CDH4: variants seen among roughly 807,000 people sequenced by gnomAD.
CDH4 encodes cadherin 4, also known as cadherin-4.
CDH4 carries 33 observed loss-of-function variants against 86.0 expected under a neutral mutation model. The observed-to-expected ratio is 0.38, with a 90% confidence interval of 0.29 to 0.51. The LOEUF is 0.51. Among genes scored for constraint, CDH4 ranks in the 20% least tolerant of loss-of-function variants. The pLI is 0.86. For synonymous variants in CDH4, 555 were observed against 549.4 expected (o/e 1.01, Z -0.14); for missense variants, 1,114 against 1,307.4 (o/e 0.85, Z 2.28).
chr20:61,435,555 A>G (rs1027936398), intron 2 of CDH4: 1 of 152,546 alleles, frequency 6.6e-6, no homozygotes, highest in Non-Finnish European at 1.5e-5. Flanking sequence ...GCAAGGGGAC[A>G]GTGATACTTG....
chr20:61,857,233 G>A (rs1026726919), intron 6 of CDH4, among the ~76,000 whole-genome samples: 17 of 152,374 alleles, frequency 1.1e-4, no homozygotes, highest in African/African-American at 3.4e-4. Context: ...TGGGCGGCGC[G>A]TGTGCGTTCG....
intron 2 of CDH4, among the ~76,000 whole-genome samples, chr20:61,641,197 A>G (rs2087004801): frequency 6.6e-6 from 1 of 152,160 alleles, no homozygotes; most frequent in Non-Finnish European, 1.5e-5. Flanking sequence ...GGGGAGAGGA[A>G]AGCCTCGATG....
intron 2 of CDH4, among the ~76,000 whole-genome samples, chr20:61,509,103 AT>A: frequency 6.6e-6 from 1 of 152,194 alleles, no homozygotes; most frequent in South Asian, 2.1e-4. Flanking sequence ...ACCCCTGCAG[AT>A]GGTAGGGTGG....
At position 61,518,039 on chromosome 20, in the gene CDH4, A is replaced by T. The variant is rs1600724906; in HGVS notation, c.170-225524A>T. Among the ~76,000 whole-genome samples, 1 of 152,186 alleles carries T rather than the reference A, an allele frequency of 6.6e-6. No individual in the cohort carries two copies. The highest frequency in any genetic ancestry group is 2.4e-5 in the African/African-American group (1 of 41,522). On this transcript the variant is annotated intron_variant, in intron 2 of 15. Transcript: ENST00000614565. This position sits in a 1 kb window ranked among gnomAD's most constrained non-coding sequence, Gnocchi z 6.3. Reference sequence around the variant, plus strand: ...AGGATGCCTCAGCCCAGGTTACCTGATCCCTTTTCAGGCGCTATTTTCCCC... The same window carrying T: ...AGGATGCCTCAGCCCAGGTTACCTGTTCCCTTTTCAGGCGCTATTTTCCCC...
chr20:61,289,715 G>T (rs2084311646), intron 2 of CDH4, among the ~76,000 whole-genome samples: 1 of 147,192 alleles, frequency 6.8e-6, no homozygotes, highest in Non-Finnish European at 1.5e-5. Context: ...GACTTGCTGG[G>T]TTTATCCCCG....
In CDH4 at chr20:61,438,454, C is replaced by T. The variant is rs116698710; in HGVS notation, c.169+183517C>T. On this transcript the variant is annotated intron_variant, in intron 2 of 15. Transcript: ENST00000614565. ...GAGGACCTCGTAAATCAGTTGGACA[C>T]GTTTTGCTATAAAAGAAATATTTTA... Among the ~76,000 whole-genome samples the T allele has an allele frequency of 2.5e-3, 388 of 152,206 alleles. 3 individuals are homozygous for T. Among genetic ancestry groups the T allele is most frequent in the African/African-American group, 8.9e-3 (371 of 41,530 alleles).
At chr20:61,437,322 C>G (rs1295587658) in intron 2 of CDH4, 1 of 152,204 alleles carries the variant, frequency 6.6e-6, no homozygotes, top group East Asian at 1.9e-4. Flanking sequence ...ATGTTATTTT[C>G]CTCTGGCAAG....
intron 2 of CDH4, among the ~76,000 whole-genome samples, chr20:61,268,325 G>A (rs747989321): frequency 1.3e-5 from 2 of 152,242 alleles, no homozygotes; most frequent in African/African-American, 2.4e-5. Flanking sequence ...CTCATGTCTC[G>A]GAGCATCTCA....
rs2086438793 is a variant in CDH4 at position 61,582,711 on chromosome 20, C to T, written c.170-160852C>T. Among the ~76,000 whole-genome samples the T allele has an allele frequency of 1.3e-5, 2 of 152,204 alleles. No individual in the cohort carries two copies. The highest frequency in any genetic ancestry group is 4.1e-4 in the South Asian group (2 of 4,832). The stretch of plus-strand genomic sequence containing the variant: ...TGGGGACACAAGCCAGCCCTGCAGG[C>T]TCCACTTCTCCCCAGATGTCCTGTT... On this transcript the variant is annotated intron_variant, in intron 2 of 15. Transcript: ENST00000614565. This position sits in a 1 kb window ranked among gnomAD's most constrained non-coding sequence, Gnocchi z 4.2.
chr20:61,269,044 A>G lies in CDH4; in HGVS notation c.169+14107A>G, dbSNP rs543767413. On this transcript the variant is annotated intron_variant, in intron 2 of 15. Transcript: ENST00000614565. The surrounding 1 kb of genome is among the most constrained non-coding windows in gnomAD (Gnocchi z 5.3). ...GGGTGAGCATCAGAACCCCATGGAAAGCCCTGTGGTGGTCCTGGGGCTCGG... is the reference window on the plus strand; with the variant it reads ...GGGTGAGCATCAGAACCCCATGGAAGGCCCTGTGGTGGTCCTGGGGCTCGG... Among the ~76,000 whole-genome samples the G allele has an allele frequency of 1.4e-4, 21 of 152,300 alleles. No individual in the cohort carries two copies. The highest frequency in any genetic ancestry group is 4.6e-4 in the African/African-American group (19 of 41,580).
intron 11 of CDH4, among the ~76,000 whole-genome samples, chr20:61,927,547 G>A (rs1009869737): frequency 2.6e-5 from 4 of 152,224 alleles, no homozygotes; most frequent in Middle Eastern, 3.2e-3. Context: ...TCTTCCACGC[G>A]ATCATGCGTC....
intron 2 of CDH4, among the ~76,000 whole-genome samples, chr20:61,561,726 C>G (rs1305656739): frequency 1.3e-5 from 2 of 152,200 alleles, no homozygotes; most frequent in Non-Finnish European, 2.9e-5. Flanking sequence ...TTGCAAGGGG[C>G]TAATTTAGCC....
intron 2 of CDH4, among the ~76,000 whole-genome samples, chr20:61,273,704 GTT>G: frequency 6.7e-6 from 1 of 149,392 alleles, no homozygotes; most frequent in Non-Finnish European, 1.5e-5. Flanking sequence ...ACCATGTGCA[GTT>G]TGGGTAAGTA....
At chr20:61,341,006 G>A (rs370473083) in intron 2 of CDH4, among the ~76,000 whole-genome samples, 76 of 152,202 alleles carry the variant, frequency 5.0e-4, no homozygotes, top group African/African-American at 1.8e-3. Flanking sequence ...GATGCAGCAG[G>A]TAGCAGCAGC....
At chr20:61,695,096 T>C (rs1014188641) in intron 2 of CDH4, among the ~76,000 whole-genome samples, 4 of 152,364 alleles carry the variant, frequency 2.6e-5, no homozygotes, top group African/African-American at 9.6e-5. Flanking sequence ...CAGCCATGTT[T>C]TCTGAGAGCA....
Position 61,938,146 on chromosome 20 carries a change from G to A in CDH4, c.*1203G>A, listed in dbSNP as rs1891583. 11,171 of 152,324 alleles carry A rather than the reference G, an allele frequency of 0.073. 694 individuals carry two copies. The highest frequency in any genetic ancestry group is 0.33 in the East Asian group (1,697 of 5,158). The allele number at this position is 152,324 out of a possible 1,614,324, so 9.4% of individuals were successfully genotyped here. On this transcript the variant is annotated 3_prime_UTR_variant, in exon 16 of 16. Transcript: ENST00000614565. ...ACCTGTCGCACAGATGCCTCTGCAC[G>A]CTGCAGACGGTGCCTCTCCTCTCCT... is the stretch of plus-strand genomic sequence containing the variant.
chr20:61,355,046 A>ACTCAG (rs1568811054), intron 2 of CDH4, among the ~76,000 whole-genome samples: 2 of 151,960 alleles, frequency 1.3e-5, no homozygotes, highest in Non-Finnish European at 2.9e-5. Context: ...TTTTGGCTTC[A>ACTCAG]CACTCAGCAC....
rs764752285 is a variant in CDH4, at chr20:61,887,499, G to A, written c.1051-7411G>A. 7.9e-5 allele frequency among the ~76,000 whole-genome samples: 12 copies of A among 152,072 alleles called. No individual in the cohort carries two copies. In the East Asian group the frequency reaches 1.7e-3, roughly 22 times the overall value. Reference sequence around the variant, plus strand: ...CACGCACACACAGGCATGCACACTCGTGCACAAGCACGCATACACACATGC... The same window carrying A: ...CACGCACACACAGGCATGCACACTCATGCACAAGCACGCATACACACATGC... On this transcript the variant is annotated intron_variant, in intron 7 of 15. Coordinates refer to ENST00000614565, the MANE Select transcript of CDH4 (RefSeq NM_001794.5).
intron 2 of CDH4, among the ~76,000 whole-genome samples, chr20:61,653,934 T>C (rs971676957): frequency 4.1e-5 from 6 of 145,964 alleles, no homozygotes; most frequent in African/African-American, 1.6e-4. Context: ...ACTCCTCACT[T>C]TCCAGACTGG....
Sources: gnomAD v4.1 joint callset for allele counts (sites outside exome capture counted in the v4.1 genomes callset) on GRCh38, gnomAD v4.1.1 for gene constraint, Gnocchi (gnomAD v3.1) non-coding constraint, MANE v1.5 for transcripts, NCBI Gene and HGNC (gene_info 2026-07-23, HGNC 2026-07-21) for gene names.